Variants in MTMR10 observed in about 807,000 individuals in gnomAD.
The protein encoded by MTMR10 is myotubularin related protein 10.
In MTMR10, 56 loss-of-function variants were observed where a neutral mutation model predicts 88.1. The observed-to-expected ratio is 0.64, with a 90% CI of 0.51 to 0.79. The LOEUF (loss-of-function observed/expected upper bound fraction) is 0.79, where lower values mean the gene tolerates loss of function less well. Among genes scored for constraint, MTMR10 ranks in the 30% least tolerant of loss-of-function variants. The pLI is 0.00. For synonymous variants in MTMR10, 380 were observed against 340.9 expected (o/e 1.11, Z -1.26); for missense variants, 883 against 924.7 (o/e 0.95, Z 0.58).
At position 30,974,406 on chromosome 15, in the gene MTMR10, T is replaced by G. The variant is rs1289566114; in HGVS notation, c.382A>C (p.Lys128Gln). 1 of 1,607,526 alleles carries G rather than the reference T, an allele frequency of 6.2e-7. No individual in the cohort carries two copies. The change falls in exon 5 of 16, where the codon AAA (lysine) becomes CAA (glutamine). Residue 128 changes from lysine (K) to glutamine (Q), a missense_variant. Transcript: ENST00000435680. ...ATAATTAACTCTGTTGGATTAAATT[T>G]CAGTTTCTGGTTGGGGCCTAGGACT... is the stretch of plus-strand genomic sequence containing the variant. ...QKVLGPNQKLKFNPTELIIYC... is the reference protein window; with the variant it reads ...QKVLGPNQKLQFNPTELIIYC...
rs772709679 is a variant in MTMR10, at chr15:30,941,733, C to T, written c.2071G>A (p.Val691Ile). ...KLSLLADEVD[V>I]LSRMLRQQRS... ...TGTTGCCGCAGCATCCTGCTCAGTA[C>T]GTCGACTTCATCAGCCAGGAGGGAG... is the stretch of plus-strand genomic sequence containing the variant. Residue 691 changes from valine (V) to isoleucine (I), a missense_variant, in exon 16 of 16, where the codon GTA (valine) becomes ATA (isoleucine). Transcript: ENST00000435680. 5.1e-5 allele frequency: 83 copies of T among 1,613,832 alleles called. No homozygotes were observed. In the Middle Eastern group the frequency reaches 6.6e-4, roughly 13 times the overall value.
Position 30,968,014 on chromosome 15 carries a change from G to C in MTMR10, c.475-4C>G. 1 of 1,547,194 alleles carries C rather than the reference G, an allele frequency of 6.5e-7. No individual in the cohort carries two copies. The highest frequency in any genetic ancestry group is 8.8e-7 in the Non-Finnish European group (1 of 1,141,610). ...AATGAGCTATTGCAAGGCATACCTA[G>C]GAAAAATTCTACATTTAGAATTTGA... is the stretch of plus-strand genomic sequence containing the variant. On this transcript the variant is annotated splice_polypyrimidine_tract_variant and splice_region_variant and intron_variant, in intron 5 of 15. Transcript: ENST00000435680.
At chr15:30,948,760 TA>T in intron 12 of MTMR10, 1 of 455,416 alleles carries the variant, frequency 2.2e-6, no homozygotes, top group South Asian at 2.5e-5. Context: ...AAAATCCGTC[TA>T]GACTCCATTC....
In MTMR10 at chr15:30,941,706, G is replaced by T. The variant is rs370090920; in HGVS notation, c.2098C>A (p.Arg700Ser). 1 of 1,613,850 alleles carries T rather than the reference G, an allele frequency of 6.2e-7. No homozygotes were observed. The highest frequency in any genetic ancestry group is 8.5e-7 in the Non-Finnish European group (1 of 1,179,830). ...DVLSRMLRQQ[R>S]SGPLEACYGE... ...TAGCAGGCCTCCAGGGGGCCACTGC[G>T]CTGTTGCCGCAGCATCCTGCTCAGT... Residue 700 changes from arginine (R) to serine (S), a missense_variant, in exon 16 of 16, where the codon CGC (arginine) becomes AGC (serine). This residue lies in a region of MTMR10 where 343 missense variants were observed against 323.2 expected (regional missense o/e 1.06). Coordinates refer to ENST00000435680, the MANE Select transcript of MTMR10 (RefSeq NM_017762.3).
intron 5 of MTMR10, among the ~76,000 whole-genome samples, chr15:30,969,911 G>A (rs1211370708): frequency 6.6e-6 from 1 of 151,936 alleles, no homozygotes; most frequent in Non-Finnish European, 1.5e-5. Flanking sequence ...ATGCTTTCTT[G>A]GAAACTGTCA....
the MTMR10 span, chr15:30,925,739 G>A: frequency 1.2e-6 from 2 of 1,604,386 alleles, no homozygotes; most frequent in East Asian, 4.5e-5. Context: ...AGGTTTTCAG[G>A]GACTTTTGCT....
chr15:30,955,340 G>A (rs1046235521), intron 9 of MTMR10, among the ~76,000 whole-genome samples: 2 of 152,072 alleles, frequency 1.3e-5, no homozygotes, highest in South Asian at 2.1e-4. Context: ...GCACCATCTC[G>A]GCTCACTGCA....
chr15:30,954,622 TA>T (rs2063296351), intron 10 of MTMR10, 140 bp downstream of exon 10: 1 of 911,074 alleles, frequency 1.1e-6, no homozygotes, highest in African/African-American at 1.7e-5. Flanking sequence ...TCTCATACAA[TA>T]ATATATAATT....
At chr15:30,922,365 A>G in the MTMR10 span, 1 of 1,589,586 alleles carries the variant, frequency 6.3e-7, no homozygotes, top group Non-Finnish European at 8.5e-7. Flanking sequence ...GTACTCAGTA[A>G]CAAAACATAT....
At chr15:30,977,488 C>T (rs34095794) in intron 2 of MTMR10, among the ~76,000 whole-genome samples, 43,340 of 151,962 alleles carry the variant, frequency 0.29, 6,585 homozygotes, top group Non-Finnish European at 0.33. Flanking sequence ...AACCTTAAAA[C>T]GTAGTTTGAG....
At chr15:30,956,573 G>C (rs2063330919) in intron 9 of MTMR10, among the ~76,000 whole-genome samples, 1 of 152,238 alleles carries the variant, frequency 6.6e-6, no homozygotes, top group Admixed American at 6.5e-5. Flanking sequence ...GCTAGTGCAA[G>C]GGCCCTGTGG....
chr15:30,958,844 A>G lies in MTMR10; in HGVS notation c.935+19T>C. The G allele has an allele frequency of 6.2e-7, 1 of 1,609,804 alleles. No individual in the cohort carries two copies. The highest frequency in any genetic ancestry group is 8.5e-7 in the Non-Finnish European group (1 of 1,176,078). On this transcript the variant is annotated intron_variant, in intron 9 of 15. Transcript: ENST00000435680. ...ACAAGTAAAACTATCTAAAGTGACA[A>G]TGACCATTTCTCAATTACCTCTGGT...
chr15:30,934,892 T>C (rs2062810106), downstream of MTMR10, among the ~76,000 whole-genome samples: 3 of 152,384 alleles, frequency 2.0e-5, no homozygotes, highest in Middle Eastern at 3.4e-3. Flanking sequence ...CTACGTGTTA[T>C]ATGTTCTATA....
chr15:30,942,777 C>T (rs898258979), intron 15 of MTMR10, 113 bp downstream of exon 15: 23 of 1,093,694 alleles, frequency 2.1e-5, no homozygotes, highest in Middle Eastern at 3.1e-4. Context: ...CTCAGAAACC[C>T]GCATTAGCAG....
intron 14 of MTMR10, chr15:30,943,660 C>A (rs546187123): frequency 2.0e-6 from 2 of 985,424 alleles, no homozygotes; most frequent in South Asian, 4.7e-5. Flanking sequence ...ACACAGGAGA[C>A]CCCTCCTTCA....
chr15:30,967,774 T>C (rs545380038), intron 6 of MTMR10, 146 bp downstream of exon 6: 1 of 584,654 alleles, frequency 1.7e-6, no homozygotes, highest in East Asian at 3.1e-5. Flanking sequence ...ATTGGCTCTT[T>C]TAGCATGTAG....
chr15:30,938,987 T>C lies in MTMR10; in HGVS notation c.*2483A>G, dbSNP rs565. ...TTAAGCCATCAAAATTTCCTTCACATTCAATACTGTTGAACAACAAGATAA... is the reference window on the plus strand; with the variant it reads ...TTAAGCCATCAAAATTTCCTTCACACTCAATACTGTTGAACAACAAGATAA... On this transcript the variant is annotated 3_prime_UTR_variant, in exon 16 of 16. Coordinates refer to ENST00000435680, the MANE Select transcript of MTMR10 (RefSeq NM_017762.3). The C allele has an allele frequency of 0.84, 827,485 of 985,052 alleles. 347,934 individuals are homozygous for C. The highest frequency in any genetic ancestry group is 0.98 in the East Asian group (8,610 of 8,808). 61.0% of individuals were successfully genotyped at this position (985,052 alleles called of 1,614,324 possible).
chr15:30,939,923 A>G lies in MTMR10; in HGVS notation c.*1547T>C. 1 of 985,372 alleles carries G rather than the reference A, an allele frequency of 1.0e-6. No individual in the cohort carries two copies. The highest frequency in any genetic ancestry group is 5.2e-4 in the Middle Eastern group (1 of 1,914). The allele number at this position is 985,372 out of a possible 1,614,324, so 61.0% of individuals were successfully genotyped here. Reference sequence around the variant, plus strand: ...AACCTTGGGTTTACCCATAAAGTGAATTTCTTAAGATATTTTTTAAGAACT... The same window carrying G: ...AACCTTGGGTTTACCCATAAAGTGAGTTTCTTAAGATATTTTTTAAGAACT... On this transcript the variant is annotated 3_prime_UTR_variant, in exon 16 of 16. Coordinates refer to ENST00000435680, the MANE Select transcript of MTMR10 (RefSeq NM_017762.3).
At chr15:30,968,697 CAT>C (rs1414001510) in intron 5 of MTMR10, among the ~76,000 whole-genome samples, 1 of 152,116 alleles carries the variant, frequency 6.6e-6, no homozygotes, top group African/African-American at 2.4e-5. Context: ...TGCTACATAA[CAT>C]GTGTGAAGTC....
Sources: allele counts gnomAD v4.1 joint callset (sites outside exome capture counted in the v4.1 genomes callset), GRCh38; gene constraint gnomAD v4.1.1; regional missense constraint gnomAD v4.1.1; transcripts MANE v1.5; gene names NCBI Gene and HGNC (gene_info 2026-07-23, HGNC 2026-07-21).